ITGAD: variants seen among roughly 807,000 people sequenced by gnomAD.
The protein encoded by ITGAD is integrin subunit alpha D, also known as integrin alpha-D.
Under a neutral mutation model 139.0 loss-of-function variants are expected in ITGAD, and 105 were observed. That is an observed-to-expected ratio of 0.76 (90% CI 0.65 to 0.89). The LOEUF (loss-of-function observed/expected upper bound fraction) is 0.89, where lower values mean the gene tolerates loss of function less well. Ranked by LOEUF, ITGAD falls within the 40% of genes least tolerant of loss-of-function variation. The pLI is 0.00. For missense variants in ITGAD, 1,384 were observed against 1,487.3 expected (o/e 0.93, Z 1.14); for synonymous variants, 569 against 598.3 (o/e 0.95, Z 0.71).
intron 4 of ITGAD, 52 bp downstream of exon 4, chr16:31,397,718 T>C (rs2081305847): frequency 6.6e-7 from 1 of 1,514,246 alleles, no homozygotes; most frequent in African/African-American, 1.4e-5. Context: ...GGGGGTGTTG[T>C]TGGGGAGGAG....
intron 2 of ITGAD, among the ~76,000 whole-genome samples, chr16:31,396,823 A>G (rs915676975): frequency 6.6e-6 from 1 of 152,208 alleles, no homozygotes; most frequent in African/African-American, 2.4e-5. Flanking sequence ...ATAACTATAG[A>G]TATAGTTATG....
intron 7 of ITGAD, among the ~76,000 whole-genome samples, chr16:31,406,000 A>G (rs2081530966): frequency 6.6e-6 from 1 of 151,794 alleles, no homozygotes; most frequent in African/African-American, 2.4e-5. Flanking sequence ...TATTTCCAAT[A>G]TTGTATTTGA....
chr16:31,399,915 T>C (rs2081361771), intron 5 of ITGAD, among the ~76,000 whole-genome samples: 1 of 152,134 alleles, frequency 6.6e-6, no homozygotes, highest in African/African-American at 2.4e-5. Flanking sequence ...TTCAGATAGA[T>C]GAGTTCCATC....
In ITGAD at chr16:31,413,265, GGGGGCCCAGGCCCCTCATTCCATTA is replaced by G. The variant is rs1407885735; in HGVS notation, c.1996+27_1996+51del. ...CAGCTAGGTGTGTTTCCCCCATAAA[GGGGGCCCAGGCCCCTCATTCCATTA>G]GGGGCCCCAATGCCATCCTGAGGAT... On this transcript the variant is annotated intron_variant, in intron 16 of 29. Transcript: ENST00000389202. 1 of 1,612,886 alleles carries G rather than the reference GGGGGCCCAGGCCCCTCATTCCATTA, an allele frequency of 6.2e-7. No individual in the cohort carries two copies. Among genetic ancestry groups the G allele is most frequent in the Non-Finnish European group, 8.5e-7 (1 of 1,179,480 alleles).
intron 23 of ITGAD, among the ~76,000 whole-genome samples, chr16:31,420,060 G>A (rs1220574963): frequency 6.6e-6 from 1 of 152,142 alleles, no homozygotes; most frequent in Admixed American, 6.5e-5. Flanking sequence ...TATTAAATGT[G>A]AATGTGCTGA....
chr16:31,421,430 C>A (rs2082004335), intron 23 of ITGAD, among the ~76,000 whole-genome samples: 2 of 150,310 alleles, frequency 1.3e-5, no homozygotes, highest in Admixed American at 6.6e-5. Context: ...TTAAGACCAG[C>A]CTGGGCAACA....
At chr16:31,407,396 C>A (rs2081564877) in intron 7 of ITGAD, 119 bp from the exon 8 acceptor site, 1 of 945,064 alleles carries the variant, frequency 1.1e-6, no homozygotes, top group Non-Finnish European at 1.6e-6. Flanking sequence ...CCTTAACATG[C>A]CTGATAGAAT....
At chr16:31,396,408 G>A (rs2081264802) in intron 2 of ITGAD, among the ~76,000 whole-genome samples, 1 of 152,316 alleles carries the variant, frequency 6.6e-6, no homozygotes, top group East Asian at 1.9e-4. Context: ...GGGAGGTGGA[G>A]GTTGCAGTGA....
chr16:31,398,337 G>T (rs574111420), intron 5 of ITGAD, among the ~76,000 whole-genome samples: 1 of 150,848 alleles, frequency 6.6e-6, no homozygotes, highest in South Asian at 2.1e-4. Context: ...AGAGACAGAA[G>T]AATCGCTTGA....
chr16:31,417,340 G>GC (rs2081918066), intron 20 of ITGAD, among the ~76,000 whole-genome samples: 1 of 151,074 alleles, frequency 6.6e-6, no homozygotes, highest in Non-Finnish European at 1.5e-5. Context: ...CCCTTAAAGT[G>GC]CTGAGATTAC....
chr16:31,412,652 A>G (rs1164294890), intron 14 of ITGAD, among the ~76,000 whole-genome samples, 186 bp from the exon 15 acceptor site: 2 of 152,074 alleles, frequency 1.3e-5, no homozygotes, highest in Admixed American at 6.5e-5. Context: ...CCACTCCTAC[A>G]TCTATTTCTT....
At position 31,424,527 on chromosome 16, in the gene ITGAD, T is replaced by A; in HGVS notation, c.3322T>A (p.Ser1108Thr). ...TGCCATTCCCATCATCATGGGCAGC[T>A]CTGTGGGGGCTCTGCTACTGCTGGC... is the stretch of plus-strand genomic sequence containing the variant. Reference protein sequence around the residue: ...YNAIPIIMGSSVGALLLLALI... With the variant: ...YNAIPIIMGSTVGALLLLALI... The change falls in exon 29 of 30, where the codon TCT becomes ACT. Residue 1108 changes from serine to threonine, a missense_variant. Transcript: ENST00000389202. 6.2e-7 allele frequency: 1 copy of A among 1,613,894 alleles called. No homozygotes were observed. The highest frequency in any genetic ancestry group is 1.1e-5 in the South Asian group (1 of 91,056).
chr16:31,413,443 T>C (rs2081792979), intron 16 of ITGAD, among the ~76,000 whole-genome samples, 197 bp downstream of exon 16: 1 of 152,104 alleles, frequency 6.6e-6, no homozygotes, highest in Non-Finnish European at 1.5e-5. Flanking sequence ...TGACCTGAAG[T>C]CCACCCAGTT....
chr16:31,417,622 T>A (rs2081922928), intron 20 of ITGAD, among the ~76,000 whole-genome samples: 2 of 152,110 alleles, frequency 1.3e-5, no homozygotes, highest in Non-Finnish European at 2.9e-5. Context: ...ATGGGTCAAT[T>A]TTCCTGGCAT....
Position 31,397,796 on chromosome 16 carries a change from C to A in ITGAD, c.314C>A (p.Ala105Asp). ...TGGCTCACAGGCTTCTGCCTCCAGG[C>A]CTGTGGCCCGACCCTGCACAGAGTC... is the stretch of plus-strand genomic sequence containing the variant. ...AASTNGSRLL[A>D]CGPTLHRVCG... is the part of the protein sequence containing the mutation. The change falls in exon 5 of 30, where the codon GCC becomes GAC. Residue 105 changes from alanine (A) to aspartate (D), a missense_variant and splice_region_variant. Coordinates refer to ENST00000389202, the MANE Select transcript of ITGAD (RefSeq NM_005353.3). The A allele has an allele frequency of 6.2e-7, 1 of 1,612,698 alleles. No individual in the cohort carries two copies. The highest frequency in any genetic ancestry group is 8.5e-7 in the Non-Finnish European group (1 of 1,179,390).
Position 31,423,144 on chromosome 16 carries a change from T to C in ITGAD, c.2811T>C (p.Phe937=), listed in dbSNP as rs1176644239. ...RQEESTKYFN[F]ATSDEKKMKE... ...AAGAATCCACCAAGTACTTCAACTT[T>C]GCAACCTCCGATGAGAAGAAAATGA... Residue 937 remains phenylalanine, a synonymous_variant, in exon 24 of 30, where the codon TTT becomes TTC. Transcript: ENST00000389202. The C allele has an allele frequency of 6.2e-7, 1 of 1,614,172 alleles. No individual in the cohort carries two copies. The highest frequency in any genetic ancestry group is 8.5e-7 in the Non-Finnish European group (1 of 1,180,010).
chr16:31,397,278 G>A lies in ITGAD; in HGVS notation c.138-81G>A, dbSNP rs558110603. On this transcript the variant is annotated intron_variant, in intron 2 of 29. Transcript: ENST00000389202. The stretch of plus-strand genomic sequence containing the variant: ...CCACAGAGTCTCGCTTCCCCATGGA[G>A]GGACACTTCCTCACCCCCAAGTGCC... 6.7e-6 allele frequency: 6 copies of A among 890,688 alleles called. No individual in the cohort carries two copies. In the South Asian group the frequency reaches 7.6e-5, roughly 11 times the overall value. The allele number at this position is 890,688 out of a possible 1,614,324, so 55.2% of individuals were successfully genotyped here. A position where few individuals can be genotyped will look rare whatever the true frequency, so the allele number is the denominator to read the frequency against.
At chr16:31,395,473 C>T (rs1254388690) in intron 2 of ITGAD, among the ~76,000 whole-genome samples, 2 of 152,152 alleles carry the variant, frequency 1.3e-5, no homozygotes, top group African/African-American at 2.4e-5. Flanking sequence ...TGCTACCTTC[C>T]GCCCCTGGCA....
rs202112357 is a variant in ITGAD, at chr16:31,411,213, G to T, written c.1494G>T (p.Arg498Ser). 6.8e-6 allele frequency: 11 copies of T among 1,613,338 alleles called. No homozygotes were observed. In the Admixed American group the frequency reaches 1.8e-4, roughly 27 times the overall value. Residue 498 changes from arginine (R) to serine (S), a missense_variant, in exon 13 of 30, where the codon AGG (arginine) becomes AGT (serine). Physicochemically the swap from Arg to Ser is moderately radical, Grantham distance 110. Coordinates refer to ENST00000389202, the MANE Select transcript of ITGAD (RefSeq NM_005353.3). The part of the protein sequence containing the change: ...GGQVSVCPLP[R>S]GRVQWQCDAV... ...AGGTGTCCGTGTGTCCCTTGCCTAG[G>T]GGGGTGAGTGGCTGATGGGACCTAG...
Sources: gnomAD v4.1 joint callset for allele counts (sites outside exome capture counted in the v4.1 genomes callset) on GRCh38, gnomAD v4.1.1 for gene constraint, MANE v1.5 for transcripts, NCBI Gene and HGNC (gene_info 2026-07-23, HGNC 2026-07-21) for gene names.